RELN: variants seen among roughly 807,000 people sequenced by gnomAD.
The protein encoded by RELN is reelin.
A neutral mutation model predicts 427.6 loss-of-function variants in RELN; 108 were observed. The ratio of observed to expected loss-of-function variants is 0.25; its 90% CI spans 0.22 to 0.30. RELN has a LOEUF of 0.30. RELN is among the 10% of genes least tolerant of loss of function. The pLI is 1.00. For synonymous variants in RELN, 1,524 were observed against 1,513.4 expected, an observed-to-expected ratio of 1.01 and a Z score of -0.16; for missense variants, 3,715 against 4,302.8, an observed-to-expected ratio of 0.86 and a Z score of 3.82.
chr7:103,744,710 A>T (rs1790769521), intron 6 of RELN, among the ~76,000 whole-genome samples: 1 of 152,242 alleles, frequency 6.6e-6, no homozygotes, highest in Admixed American at 6.5e-5. Context: ...CCAAGACTAA[A>T]CCAGGAAGAA....
At position 103,495,822 on chromosome 7, in the gene RELN, G is replaced by T. The variant is rs1357441268; in HGVS notation, c.9270C>A (p.Ser3090=). Residue 3090 remains serine (S), a synonymous_variant, in exon 57 of 65, where the codon TCC becomes TCA. Coordinates refer to ENST00000428762, the MANE Select transcript of RELN (RefSeq NM_005045.4). ...VRTAGFCGNP[S]FHLYWPNKKK... ...TTTTATTTGGCCAATAGAGGTGAAA[G>T]GATGGATTGCCACAAAATCCTGCTG... 6.2e-7 allele frequency: 1 copy of T among 1,614,022 alleles called. No individual in the cohort carries two copies.
At chr7:103,705,189 G>C (rs577967057) in intron 8 of RELN, among the ~76,000 whole-genome samples, 4 of 152,154 alleles carry the variant, frequency 2.6e-5, no homozygotes, top group African/African-American at 9.6e-5. Flanking sequence ...AGAATGATTA[G>C]ATCAGCCAAT....
chr7:103,620,046 T>C lies in RELN; in HGVS notation c.2703-8243A>G, dbSNP rs1204866930. ...TGCCCCACCCAAATCTCATCTTGCATTGTGGTGCCCATAATTCCTACGTGT... is the reference window on the plus strand; with the variant it reads ...TGCCCCACCCAAATCTCATCTTGCACTGTGGTGCCCATAATTCCTACGTGT... On this transcript the variant is annotated intron_variant, in intron 20 of 64. Coordinates refer to ENST00000428762, the MANE Select transcript of RELN (RefSeq NM_005045.4). The surrounding 1 kb of genome is among the most constrained non-coding windows in gnomAD (Gnocchi z 4.1). Among the ~76,000 whole-genome samples, 1 of 152,172 alleles carries C rather than the reference T, an allele frequency of 6.6e-6. No homozygotes were observed. Among genetic ancestry groups the C allele is most frequent in the African/African-American group, 2.4e-5 (1 of 41,446 alleles).
rs1246740391 is a variant in RELN, at chr7:103,486,278, T to C, written c.9902A>G (p.Tyr3301Cys). 6.2e-7 allele frequency: 1 copy of C among 1,614,166 alleles called. No homozygotes were observed. The highest frequency in any genetic ancestry group is 1.1e-5 in the South Asian group (1 of 91,090). Residue 3301 changes from tyrosine (Y) to cysteine (C), a missense_variant, in exon 61 of 65, where the codon TAC (tyrosine) becomes TGC (cysteine). Physicochemically the swap from Tyr to Cys is radical, Grantham distance 194 (BLOSUM62 -2). Transcript: ENST00000428762. ...AAAGTACAGTGAGTCTCCATGGGCG[T>C]AGGGGGCCAGCTGCCCACAGCCACT... The part of the protein sequence containing the change: ...IGSGCGQLAP[Y>C]AHGDSLYFNG...
chr7:103,601,460 TA>T (rs1831666209), intron 24 of RELN, among the ~76,000 whole-genome samples: 2 of 152,202 alleles, frequency 1.3e-5, no homozygotes, highest in African/African-American at 4.8e-5. Context: ...TTGCATAAAT[TA>T]ACACATCTTG....
chr7:103,723,008 ATTAT>A, intron 8 of RELN, 128 bp downstream of exon 8: 1 of 662,030 alleles, frequency 1.5e-6, no homozygotes. Flanking sequence ...AATGTTGTAG[ATTAT>A]TTACTGCAAA....
At chr7:103,957,552 G>T (rs1796458455) in intron 1 of RELN, among the ~76,000 whole-genome samples, 1 of 152,136 alleles carries the variant, frequency 6.6e-6, no homozygotes, top group African/African-American at 2.4e-5. Flanking sequence ...GGGAGGTGAA[G>T]TTACTTCTCC....
In RELN at chr7:103,589,710, C is replaced by A; in HGVS notation, c.4031G>T (p.Gly1344Val). 1 of 1,613,894 alleles carries A rather than the reference C, an allele frequency of 6.2e-7. No homozygotes were observed. The highest frequency in any genetic ancestry group is 8.5e-7 in the Non-Finnish European group (1 of 1,179,792). ...VKEGCYPASA[G>V]KGCEGNSREL... ...TCTGGAGTTTCCTTCGCATCCTTTGCCTGCAGAAGCCGGGTAACAGCCTTC... is the reference window on the plus strand; with the variant it reads ...TCTGGAGTTTCCTTCGCATCCTTTGACTGCAGAAGCCGGGTAACAGCCTTC... Residue 1344 changes from glycine to valine, a missense_variant, in exon 28 of 65, where the codon GGC becomes GTC. Gly to Val is a moderately radical substitution (Grantham distance 109). Coordinates refer to ENST00000428762, the MANE Select transcript of RELN (RefSeq NM_005045.4).
At chr7:103,688,620 C>G (rs1207522388) in intron 10 of RELN, among the ~76,000 whole-genome samples, 2 of 151,938 alleles carry the variant, frequency 1.3e-5, no homozygotes, top group African/African-American at 4.8e-5. Flanking sequence ...GGACAAATTA[C>G]ATTTTTTTTC....
chr7:103,813,063 C>A (rs1792781981), intron 3 of RELN, among the ~76,000 whole-genome samples: 1 of 152,136 alleles, frequency 6.6e-6, no homozygotes, highest in African/African-American at 2.4e-5. Flanking sequence ...CATCTGAGAA[C>A]TTAATTAACT....
intron 20 of RELN, among the ~76,000 whole-genome samples, chr7:103,619,972 T>C (rs1832180708): frequency 6.6e-6 from 1 of 152,188 alleles, no homozygotes; most frequent in Non-Finnish European, 1.5e-5. Flanking sequence ...GCCTTAGCTG[T>C]TTCCAGCTCC....
chr7:103,701,157 A>G, intron 8 of RELN, 151 bp from the exon 9 acceptor site: 1 of 658,880 alleles, frequency 1.5e-6, no homozygotes, highest in African/African-American at 1.8e-5. Context: ...ATCTCCTGTG[A>G]TCTGTTCTGG....
chr7:103,640,591 C>T lies in RELN; in HGVS notation c.2021G>A (p.Cys674Tyr). 1 of 1,613,808 alleles carries T rather than the reference C, an allele frequency of 6.2e-7. No individual in the cohort carries two copies. The highest frequency in any genetic ancestry group is 1.3e-5 in the African/African-American group (1 of 75,008). The change falls in exon 17 of 65, where the codon TGT (cysteine) becomes TAT (tyrosine). Residue 674 changes from cysteine (C) to tyrosine (Y), a missense_variant. Physicochemically the swap from Cys to Tyr is radical, Grantham distance 194. This residue lies in a region of RELN where 2,208 missense variants were observed against 2,361.7 expected (regional missense o/e 0.93). Coordinates refer to ENST00000428762, the MANE Select transcript of RELN (RefSeq NM_005045.4). The surrounding 1 kb of genome is among the most constrained non-coding windows in gnomAD (Gnocchi z 4.1). ...AIDNVYIGPS[C>Y]LKFCSGRGQC... is the part of the protein sequence containing the mutation. The stretch of plus-strand genomic sequence containing the variant: ...TCCTCTGCCAGAACAGAATTTGAGA[C>T]ATGACGGGCCAATATAAACTGTGGG...
intron 45 of RELN, among the ~76,000 whole-genome samples, chr7:103,537,976 T>G (rs1319175402): frequency 6.6e-6 from 1 of 152,242 alleles, no homozygotes; most frequent in Non-Finnish European, 1.5e-5. Flanking sequence ...GTATCAGCAC[T>G]ACTCCGTGGA....
At chr7:103,615,529 C>T (rs747905576) in intron 20 of RELN, among the ~76,000 whole-genome samples, 1 of 152,146 alleles carries the variant, frequency 6.6e-6, no homozygotes, top group East Asian at 1.9e-4. Flanking sequence ...TTTTGGACAT[C>T]GTGATTTTCT....
At chr7:103,758,077 C>T (rs780237544) in intron 4 of RELN, among the ~76,000 whole-genome samples, 1 of 152,106 alleles carries the variant, frequency 6.6e-6, no homozygotes, top group Non-Finnish European at 1.5e-5. Context: ...GTTAAGAGTT[C>T]CCTGTTAGAA....
At chr7:103,649,866 G>A (rs984933717) in intron 16 of RELN, among the ~76,000 whole-genome samples, 3 of 151,898 alleles carry the variant, frequency 2.0e-5, no homozygotes, top group African/African-American at 7.3e-5. Context: ...GCATGTAAAA[G>A]AAAAGCATTC....
chr7:103,856,585 AAAAG>A (rs1554431482), intron 2 of RELN, among the ~76,000 whole-genome samples: 4 of 133,170 alleles, frequency 3.0e-5, no homozygotes, highest in African/African-American at 1.0e-4. Context: ...AAAAAAAAAA[AAAAG>A]AAAGAAAGAA....
At chr7:103,680,111 C>T (rs1367191242) in intron 11 of RELN, among the ~76,000 whole-genome samples, 2 of 151,972 alleles carry the variant, frequency 1.3e-5, no homozygotes, top group African/African-American at 2.4e-5. Flanking sequence ...TTTATTTCCC[C>T]CCCAAACAAT....
Sources: gnomAD v4.1 joint callset for allele counts (sites outside exome capture counted in the v4.1 genomes callset) on GRCh38, gnomAD v4.1.1 for gene constraint, gnomAD v4.1.1 regional missense constraint, Gnocchi (gnomAD v3.1) non-coding constraint, MANE v1.5 for transcripts, NCBI Gene and HGNC (gene_info 2026-07-23, HGNC 2026-07-21) for gene names.